HYKK: variants seen among roughly 807,000 people sequenced by gnomAD.
HYKK encodes the protein 5-hydroxy-L-lysine kinase.
HYKK carries 19 observed loss-of-function variants against 29.7 expected under a neutral mutation model. The ratio of observed to expected loss-of-function variants is 0.64; its 90% CI spans 0.45 to 0.94. The LOEUF is 0.94. HYKK is among the 40% of genes least tolerant of loss of function. The pLI is 0.00. For synonymous variants in HYKK, 152 were observed against 158.1 expected, an observed-to-expected ratio of 0.96 and a Z score of 0.29; for missense variants, 390 against 443.4, an observed-to-expected ratio of 0.88 and a Z score of 1.08.
In HYKK at chr15:78,535,129, C is replaced by A. The variant is rs2052349189; in HGVS notation, c.*1459C>A. 6.6e-6 allele frequency: 1 copy of A among 152,096 alleles called. No individual in the cohort carries two copies. The highest frequency in any genetic ancestry group is 2.4e-5 in the African/African-American group (1 of 41,406). 9.4% of individuals were successfully genotyped at this position (152,096 alleles called of 1,614,324 possible). ...GGCCATTCAAATACTCAATAGTTAT[C>A]TTTCTATATATATGAACAGGCATTG... is the stretch of plus-strand genomic sequence containing the variant. On this transcript the variant is annotated 3_prime_UTR_variant, in exon 5 of 5. Coordinates refer to ENST00000388988, the MANE Select transcript of HYKK (RefSeq NM_001013619.4).
chr15:78,530,366 AC>A (rs2052299916), intron 4 of HYKK, among the ~76,000 whole-genome samples: 1 of 152,010 alleles, frequency 6.6e-6, no homozygotes, highest in Non-Finnish European at 1.5e-5. Flanking sequence ...ATGCCTGGCT[AC>A]TTTTTTTGTA....
At chr15:78,508,229 G>C (rs1474469018) in intron 1 of HYKK, among the ~76,000 whole-genome samples, 1 of 152,128 alleles carries the variant, frequency 6.6e-6, no homozygotes, top group Non-Finnish European at 1.5e-5. Context: ...GAACTGCCCC[G>C]TGAGTCTGTG....
At chr15:78,527,322 C>T in intron 3 of HYKK, 58 bp from the exon 4 acceptor site, 1 of 1,455,708 alleles carries the variant, frequency 6.9e-7, no homozygotes, top group Non-Finnish European at 9.5e-7. Flanking sequence ...GCACCTCCCA[C>T]CTCTCTCAGC....
intron 1 of HYKK, among the ~76,000 whole-genome samples, chr15:78,509,332 A>G (rs1467018842): frequency 6.6e-6 from 1 of 152,220 alleles, no homozygotes; most frequent in Admixed American, 6.5e-5. Context: ...AGGTAGCAGA[A>G]CTGGGACTAA....
intron 3 of HYKK, among the ~76,000 whole-genome samples, chr15:78,520,869 T>C (rs1264089788): frequency 2.0e-5 from 3 of 150,930 alleles, no homozygotes; most frequent in Non-Finnish European, 3.0e-5. Flanking sequence ...GGCGGGGGGC[T>C]GACCCCCCCA....
chr15:78,512,400 C>CTTTTTTTTTTTTTTTT (rs902963099), intron 1 of HYKK, among the ~76,000 whole-genome samples: 101 of 125,624 alleles, frequency 8.0e-4, no homozygotes, highest in East Asian at 1.3e-3. Context: ...TTTTCTTTTT[C>CTTTTTTTTTTTTTTTT]TTTTTTTTTT....
intron 3 of HYKK, among the ~76,000 whole-genome samples, chr15:78,524,262 G>A (rs1455471458): frequency 6.6e-6 from 1 of 152,320 alleles, no homozygotes; most frequent in East Asian, 1.9e-4. Flanking sequence ...TTTACACTCT[G>A]TGCACCCACA....
At position 78,534,369 on chromosome 15, in the gene HYKK, C is replaced by T. The variant is rs2052342459; in HGVS notation, c.*699C>T. On this transcript the variant is annotated 3_prime_UTR_variant, in exon 5 of 5. Coordinates refer to ENST00000388988, the MANE Select transcript of HYKK (RefSeq NM_001013619.4). ...AGTTCACGCCATTCTCCTGCCTCAG[C>T]CTCCTGAGTAGCTGGGACTACAGGC... is the stretch of plus-strand genomic sequence containing the variant. 6.6e-6 allele frequency: 1 copy of T among 151,980 alleles called. No individual in the cohort carries two copies. Among genetic ancestry groups the T allele is most frequent in the African/African-American group, 2.4e-5 (1 of 41,314 alleles). The allele number at this position is 151,980 out of a possible 1,614,324, so 9.4% of individuals were successfully genotyped here.
chr15:78,531,929 T>G (rs760627157), intron 4 of HYKK, among the ~76,000 whole-genome samples: 1 of 135,972 alleles, frequency 7.4e-6, no homozygotes, highest in African/African-American at 2.5e-5. Context: ...TAATATTGTT[T>G]CTATGTGCCC....
rs1317977088 is a variant in HYKK at position 78,533,514 on chromosome 15, C to T, written c.966C>T (p.Tyr322=). The T allele has an allele frequency of 2.5e-6, 4 of 1,596,562 alleles. No individual in the cohort carries two copies. The highest frequency in any genetic ancestry group is 1.7e-5 in the Admixed American group (1 of 59,538). Residue 322 remains tyrosine (Y), a synonymous_variant, in exon 5 of 5, where the codon TAC becomes TAT. Transcript: ENST00000388988. ...RFCQSLVMAA[Y]SCQLYPENKD... is the part of the protein sequence containing the mutation. ...GTCAGTCACTTGTCATGGCTGCATA[C>T]TCTTGCCAGCTATACCCAGAGAACA...
At chr15:78,517,545 C>T (rs1048793982) in intron 3 of HYKK, among the ~76,000 whole-genome samples, 1 of 151,906 alleles carries the variant, frequency 6.6e-6, no homozygotes, top group African/African-American at 2.4e-5. Context: ...CACCACTGCA[C>T]TCCAATCTGG....
intron 3 of HYKK, among the ~76,000 whole-genome samples, chr15:78,525,953 A>G (rs748762066): frequency 1.3e-5 from 2 of 152,206 alleles, no homozygotes; most frequent in Non-Finnish European, 2.9e-5. Flanking sequence ...TTTGAAATCA[A>G]CTTCACTGGA....
chr15:78,517,213 G>C (rs145177479), intron 3 of HYKK, among the ~76,000 whole-genome samples: 2 of 149,116 alleles, frequency 1.3e-5, no homozygotes, highest in Non-Finnish European at 3.0e-5. Context: ...ATTTCTGACA[G>C]GAAATCTGCC....
Position 78,513,085 on chromosome 15 carries a change from C to T in HYKK, c.-4C>T, listed in dbSNP as rs965542177. On this transcript the variant is annotated splice_region_variant and 5_prime_UTR_variant, in exon 2 of 5. Coordinates refer to ENST00000388988, the MANE Select transcript of HYKK (RefSeq NM_001013619.4). ...GTTTGTTGCTTTTTGTTCCCCTAGA[C>T]ATAATGTCAAGTGGAAACTATCAGC... The T allele has an allele frequency of 1.9e-6, 3 of 1,575,130 alleles. No individual in the cohort carries two copies. In the African/African-American group the frequency reaches 4.1e-5, roughly 21 times the overall value.
At position 78,535,101 on chromosome 15, in the gene HYKK, C is replaced by G. The variant is rs965169475; in HGVS notation, c.*1431C>G. 2.0e-5 allele frequency: 3 copies of G among 152,128 alleles called. No individual in the cohort carries two copies. The highest frequency in any genetic ancestry group is 2.9e-5 in the Non-Finnish European group (2 of 68,004). The allele number at this position is 152,128 out of a possible 1,614,324, so 9.4% of individuals were successfully genotyped here. A position where few individuals can be genotyped will look rare whatever the true frequency, so the allele number is the denominator to read the frequency against. On this transcript the variant is annotated 3_prime_UTR_variant, in exon 5 of 5. Coordinates refer to ENST00000388988, the MANE Select transcript of HYKK (RefSeq NM_001013619.4). ...TCTACAGATGACTCAAGTCTAGAAC[C>G]CTGGCCATTCAAATACTCAATAGTT...
chr15:78,511,392 A>G (rs1341285752), intron 1 of HYKK, among the ~76,000 whole-genome samples: 1 of 152,002 alleles, frequency 6.6e-6, no homozygotes, highest in Admixed American at 6.6e-5. Context: ...GAGAAAGAAA[A>G]CAGTCTCCTC....
intron 3 of HYKK, among the ~76,000 whole-genome samples, chr15:78,521,230 G>A (rs962000037): frequency 2.0e-5 from 3 of 152,028 alleles, no homozygotes; most frequent in Admixed American, 6.5e-5. Context: ...GAGTTAACAA[G>A]TGAAGGGACC....
At chr15:78,519,141 C>T (rs2052166087) in intron 3 of HYKK, among the ~76,000 whole-genome samples, 1 of 152,178 alleles carries the variant, frequency 6.6e-6, no homozygotes, top group Non-Finnish European at 1.5e-5. Flanking sequence ...ATGCGCCACG[C>T]TATTCCACAG....
At chr15:78,521,248 A>C (rs1054539322) in intron 3 of HYKK, among the ~76,000 whole-genome samples, 1 of 151,972 alleles carries the variant, frequency 6.6e-6, no homozygotes, top group Non-Finnish European at 1.5e-5. Context: ...ACCAACTAGT[A>C]CTGGAATTTG....
Sources: gnomAD v4.1 joint callset for allele counts (sites outside exome capture counted in the v4.1 genomes callset) on GRCh38, gnomAD v4.1.1 for gene constraint, MANE v1.5 for transcripts, NCBI Gene and HGNC (gene_info 2026-07-23, HGNC 2026-07-21) for gene names.